The following PRPF3 variants were observed in gnomAD, a reference collection of about 807,000 sequenced individuals.
The protein encoded by PRPF3 is pre-mRNA processing factor 3.
Under a neutral mutation model 89.2 loss-of-function variants are expected in PRPF3, and 3 were observed. The ratio of observed to expected loss-of-function variants is 0.03; its 90% CI spans 0.02 to 0.09. The LOEUF is 0.09. Among genes scored for constraint, PRPF3 ranks in the 10% least tolerant of loss-of-function variants. PRPF3 has a pLI of 1.00. For missense variants in PRPF3, 463 were observed against 828.8 expected, an observed-to-expected ratio of 0.56 and a Z score of 5.42; for synonymous variants, 270 against 289.1, an observed-to-expected ratio of 0.93 and a Z score of 0.67.
intron 15 of PRPF3, among the ~76,000 whole-genome samples, chr1:150,352,511 A>G (rs1659036266): frequency 7.0e-6 from 1 of 143,110 alleles, no homozygotes; most frequent in South Asian, 2.3e-4. Context: ...TAGAAATACA[A>G]AAAATCAGCT....
chr1:150,352,771 AAAG>A, intron 15 of PRPF3, 59 bp from the exon 16 acceptor site: 1 of 1,552,756 alleles, frequency 6.4e-7, no homozygotes, highest in Non-Finnish European at 8.8e-7. Flanking sequence ...TCTTCTTATA[AAAG>A]AATATTATCT....
rs1204115377 is a variant in PRPF3, at chr1:150,326,301, G to A, written c.276+420G>A. ...GTTGCCTCTTTGTAGAGGTTTCTCT[G>A]CAATGCACTTGTAGATAGAATACCA... On this transcript the variant is annotated intron_variant, in intron 3 of 15. Coordinates refer to ENST00000324862, the MANE Select transcript of PRPF3 (RefSeq NM_004698.4). Among the ~76,000 whole-genome samples the A allele has an allele frequency of 3.9e-5, 6 of 152,094 alleles. No homozygotes were observed. In the South Asian group the frequency reaches 6.2e-4, roughly 16 times the overall value.
chr1:150,337,556 T>A (rs115660604), intron 7 of PRPF3, among the ~76,000 whole-genome samples: 1 of 151,602 alleles, frequency 6.6e-6, no homozygotes. Flanking sequence ...GGTGGGCGAA[T>A]CACTAGGTCA....
At chr1:150,348,311 C>T (rs1405119286) in intron 14 of PRPF3, among the ~76,000 whole-genome samples, 1 of 151,546 alleles carries the variant, frequency 6.6e-6, no homozygotes, top group Non-Finnish European at 1.5e-5. Context: ...ACCCAGGAAG[C>T]GGTTGCAGTG....
intron 3 of PRPF3, 118 bp from the exon 4 acceptor site, chr1:150,328,202 C>A: frequency 1.6e-6 from 2 of 1,253,782 alleles, no homozygotes; most frequent in African/African-American, 1.5e-5. Flanking sequence ...TGGCTATTTG[C>A]AAGGTTGTGT....
chr1:150,331,522 A>G (rs587620178), intron 4 of PRPF3, among the ~76,000 whole-genome samples: 1 of 150,128 alleles, frequency 6.7e-6, no homozygotes, highest in African/African-American at 2.5e-5. Flanking sequence ...CCACCACCAC[A>G]CCCGGCTAAT....
In PRPF3 at chr1:150,344,448, C is replaced by A; in HGVS notation, c.1541C>A (p.Ala514Asp). The A allele has an allele frequency of 6.2e-7, 1 of 1,614,096 alleles. No individual in the cohort carries two copies. Among genetic ancestry groups the A allele is most frequent in the Non-Finnish European group, 8.5e-7 (1 of 1,180,020 alleles). ...MAKRQKAHEE[A>D]NAARKLTAEQ... ...TGTCACGACAGAGCGCATGAAGAGG[C>A]CAACGCTGCCCGAAAACTCACAGCA... Residue 514 changes from alanine (A) to aspartate (D), a missense_variant, in exon 12 of 16, where the codon GCC (alanine) becomes GAC (aspartate). By Grantham distance (126) the Ala-to-Asp change is moderately radical. Coordinates refer to ENST00000324862, the MANE Select transcript of PRPF3 (RefSeq NM_004698.4).
At chr1:150,332,172 C>T (rs1311767049) in intron 4 of PRPF3, among the ~76,000 whole-genome samples, 1 of 150,750 alleles carries the variant, frequency 6.6e-6, no homozygotes, top group African/African-American at 2.4e-5. Flanking sequence ...TGCAGTGAGC[C>T]AAGATCGCAC....
At chr1:150,323,522 C>A (rs1310023953) in intron 1 of PRPF3, among the ~76,000 whole-genome samples, 4 of 151,678 alleles carry the variant, frequency 2.6e-5, no homozygotes, top group African/African-American at 9.6e-5. Context: ...GTAGTCCCAG[C>A]TACTTGGGAG....
At chr1:150,337,815 C>T (rs947906469) in intron 7 of PRPF3, among the ~76,000 whole-genome samples, 1 of 151,490 alleles carries the variant, frequency 6.6e-6, no homozygotes, top group Non-Finnish European at 1.5e-5. Context: ...TGGCTCATGC[C>T]TGTAATCCCA....
chr1:150,353,106 A>G lies in PRPF3; in HGVS notation c.*127A>G. 3.9e-6 allele frequency: 5 copies of G among 1,290,704 alleles called. 1 individual carries two copies. In the South Asian group the frequency reaches 6.0e-5, roughly 16 times the overall value. 80.0% of individuals were successfully genotyped at this position (1,290,704 alleles called of 1,614,324 possible). ...AACTGTGCCAAGCAGACACTGGGAC[A>G]AAGGGAGAATATCTTGCTCCCCTCC... On this transcript the variant is annotated 3_prime_UTR_variant, in exon 16 of 16. Coordinates refer to ENST00000324862, the MANE Select transcript of PRPF3 (RefSeq NM_004698.4).
In PRPF3 at chr1:150,348,019, A is replaced by G. The variant is rs140204241; in HGVS notation, c.1844-1138A>G. Among the ~76,000 whole-genome samples the G allele has an allele frequency of 2.2e-4, 34 of 152,346 alleles. No homozygotes were observed. The East Asian group carries it at 6.2e-3, about 28-fold the overall frequency. On this transcript the variant is annotated intron_variant, in intron 14 of 15. Coordinates refer to ENST00000324862, the MANE Select transcript of PRPF3 (RefSeq NM_004698.4). ...GTCTGTCTATATTTGAAGGCCAGAC[A>G]TTCTTCTGGCCATCATACTCCCATT...
At chr1:150,345,782 C>T in intron 12 of PRPF3, 3 of 522,990 alleles carry the variant, frequency 5.7e-6, no homozygotes, top group South Asian at 4.0e-5. Context: ...TTAGAGTAAA[C>T]TTTGGTTAGT....
intron 7 of PRPF3, among the ~76,000 whole-genome samples, chr1:150,337,407 G>A (rs1253651264): frequency 1.3e-5 from 2 of 152,082 alleles, no homozygotes; most frequent in Admixed American, 1.3e-4. Context: ...TTGAAGGTGA[G>A]ATCTATGTAT....
intron 8 of PRPF3, 78 bp from the exon 9 acceptor site, chr1:150,340,320 T>G: frequency 1.8e-6 from 2 of 1,102,568 alleles, no homozygotes; most frequent in South Asian, 1.3e-5. Flanking sequence ...GTGGGTTTTT[T>G]CATTGTATTT....
chr1:150,327,059 C>CT (rs1343713888), intron 3 of PRPF3, among the ~76,000 whole-genome samples: 44 of 129,096 alleles, frequency 3.4e-4, no homozygotes, highest in South Asian at 2.5e-4. Context: ...GGGCATACTT[C>CT]TTTTTTTTTT....
chr1:150,327,629 G>T, intron 3 of PRPF3: 2 of 985,770 alleles, frequency 2.0e-6, no homozygotes, highest in Middle Eastern at 5.2e-4. Flanking sequence ...GTGAAGAGGG[G>T]ATGTCACCCA....
In PRPF3 at chr1:150,344,612, G is replaced by A. The variant is rs188245961; in HGVS notation, c.1640+65G>A. On this transcript the variant is annotated intron_variant, in intron 12 of 15. Coordinates refer to ENST00000324862, the MANE Select transcript of PRPF3 (RefSeq NM_004698.4). ...CTAAAACATTTTCCAAGTGCTTGAG[G>A]CAGAATCATTGTGGCCTAAAAGCAT... 3,634 of 1,546,082 alleles carry A rather than the reference G, an allele frequency of 2.4e-3. 6 individuals carry two copies. Among genetic ancestry groups the A allele is most frequent in the Non-Finnish European group, 2.9e-3 (3,219 of 1,127,836 alleles).
At chr1:150,351,196 C>T (rs980464590) in intron 15 of PRPF3, among the ~76,000 whole-genome samples, 11 of 151,128 alleles carry the variant, frequency 7.3e-5, no homozygotes, top group African/African-American at 9.8e-5. Flanking sequence ...ATCTGGGAAG[C>T]GGAGGTTGCA....
Sources: gnomAD v4.1 joint callset for allele counts (sites outside exome capture counted in the v4.1 genomes callset) on GRCh38, gnomAD v4.1.1 for gene constraint, MANE v1.5 for transcripts, NCBI Gene and HGNC (gene_info 2026-07-23, HGNC 2026-07-21) for gene names.